DCUN1D2: variants seen among roughly 807,000 people sequenced by gnomAD.
The protein encoded by DCUN1D2 is DCN1-like protein 2.
A neutral mutation model predicts 30.9 loss-of-function variants in DCUN1D2; 29 were observed. The ratio of observed to expected loss-of-function variants is 0.94; its 90% CI spans 0.70 to 1.28. DCUN1D2 has a LOEUF of 1.28. DCUN1D2 is among the 50% of genes most tolerant of loss of function. The pLI is 0.00. For missense variants in DCUN1D2, 325 were observed against 316.9 expected (o/e 1.03, Z -0.19); for synonymous variants, 121 against 115.3 (o/e 1.05, Z -0.32).
At chr13:113,471,380 G>C (rs1160529576) in intron 4 of DCUN1D2, among the ~76,000 whole-genome samples, 1 of 152,056 alleles carries the variant, frequency 6.6e-6, no homozygotes, top group African/African-American at 2.4e-5. Flanking sequence ...CTCCACAGGG[G>C]ACCCAACTCC....
chr13:113,485,475 A>G (rs1170809816), intron 1 of DCUN1D2, among the ~76,000 whole-genome samples: 1 of 152,122 alleles, frequency 6.6e-6, no homozygotes, highest in East Asian at 1.9e-4. Flanking sequence ...AGTTAGGAAA[A>G]TCCGTTTTCA....
intron 2 of DCUN1D2, among the ~76,000 whole-genome samples, chr13:113,481,890 G>A (rs1221153342): frequency 1.4e-5 from 2 of 146,882 alleles, no homozygotes; most frequent in Non-Finnish European, 3.0e-5. Flanking sequence ...AGAAAAATTG[G>A]TAACAAAATG....
chr13:113,488,880 T>G lies in DCUN1D2; in HGVS notation c.3+1787A>C, dbSNP rs909972228. Among the ~76,000 whole-genome samples, 7 of 152,186 alleles carry G rather than the reference T, an allele frequency of 4.6e-5. No individual in the cohort carries two copies. Among genetic ancestry groups the G allele is most frequent in the African/African-American group, 1.4e-4 (6 of 41,428 alleles). On this transcript the variant is annotated intron_variant, in intron 1 of 6. Coordinates refer to ENST00000478244, the MANE Select transcript of DCUN1D2 (RefSeq NM_001014283.2). The surrounding 1 kb of genome is among the most constrained non-coding windows in gnomAD (Gnocchi z 4.3). ...GGTGGGGGGAAGGCATTTTCTAGGT[T>G]TCATTATTTCTGTTAAAATGTACAC...
intron 4 of DCUN1D2, among the ~76,000 whole-genome samples, chr13:113,466,051 A>T (rs944721608): frequency 2.0e-5 from 3 of 152,000 alleles, no homozygotes; most frequent in African/African-American, 7.3e-5. Context: ...AGACTCAGCT[A>T]ATTTTTTGTA....
chr13:113,457,948 G>T lies in DCUN1D2; in HGVS notation c.*81C>A. ...GTCAAGAATGACTTCTGGAATCAGC[G>T]ACAATGCACCCAGGAACTGACTGCA... On this transcript the variant is annotated 3_prime_UTR_variant, in exon 7 of 7. Coordinates refer to ENST00000478244, the MANE Select transcript of DCUN1D2 (RefSeq NM_001014283.2). 7.7e-7 allele frequency: 1 copy of T among 1,299,658 alleles called. No individual in the cohort carries two copies. The highest frequency in any genetic ancestry group is 1.1e-6 in the Non-Finnish European group (1 of 899,762). 80.5% of individuals were successfully genotyped at this position (1,299,658 alleles called of 1,614,324 possible). A position where few individuals can be genotyped will look rare whatever the true frequency, so the allele number is the denominator to read the frequency against.
intron 2 of DCUN1D2, 91 bp downstream of exon 2, chr13:113,483,749 A>G (rs1250797101): frequency 8.5e-6 from 11 of 1,298,634 alleles, no homozygotes; most frequent in Non-Finnish European, 1.2e-5. Flanking sequence ...CAGCCCGGAG[A>G]CCTGCCCCGG....
rs1204418904 is a variant in DCUN1D2 at position 113,490,614 on chromosome 13, G to A, written c.3+53C>T. 1 of 1,218,558 alleles carries A rather than the reference G, an allele frequency of 8.2e-7. No individual in the cohort carries two copies. The highest frequency in any genetic ancestry group is 3.4e-5 in the South Asian group (1 of 29,702). 75.5% of individuals were successfully genotyped at this position (1,218,558 alleles called of 1,614,324 possible). ...AGCGCGCCGCCTGCGCCGACCTTGG[G>A]GCCCGACCCCGACCCCGACCCCGAC... On this transcript the variant is annotated intron_variant, in intron 1 of 6. Transcript: ENST00000478244. The surrounding 1 kb of genome is among the most constrained non-coding windows in gnomAD (Gnocchi z 5.2).
chr13:113,462,900 G>A, intron 4 of DCUN1D2: 4 of 1,222,590 alleles, frequency 3.3e-6, no homozygotes, highest in Admixed American at 2.9e-5. Flanking sequence ...ACCTGGGGAG[G>A]AAAAAAAAAT....
At position 113,467,358 on chromosome 13, in the gene DCUN1D2, T is replaced by C. The variant is rs536824930; in HGVS notation, c.521-6222A>G. 5.7e-4 allele frequency among the ~76,000 whole-genome samples: 87 copies of C among 152,344 alleles called. 2 individuals are homozygous for C. Among genetic ancestry groups the C allele is most frequent in the Middle Eastern group, 6.8e-3 (2 of 294 alleles). ...GCATGTAATTGCTATAATGTGCATA[T>C]TGGAGGCAATTTTGAAACTGGTCTG... On this transcript the variant is annotated intron_variant, in intron 4 of 6. Coordinates refer to ENST00000478244, the MANE Select transcript of DCUN1D2 (RefSeq NM_001014283.2).
Position 113,458,275 on chromosome 13 carries a change from G to A in DCUN1D2, c.701-167C>T, listed in dbSNP as rs549134557. On this transcript the variant is annotated intron_variant, in intron 6 of 6. Transcript: ENST00000478244. Reference sequence around the variant, plus strand: ...CCAGCCCAAGTTACCCAGTTCTTTCGCCCTAGCACGGCCAGGTCGGGAGCC... The same window carrying A: ...CCAGCCCAAGTTACCCAGTTCTTTCACCCTAGCACGGCCAGGTCGGGAGCC... Among the ~76,000 whole-genome samples the A allele has an allele frequency of 3.9e-5, 6 of 152,280 alleles. No individual in the cohort carries two copies. The South Asian group carries it at 1.0e-3, about 26-fold the overall frequency.
At chr13:113,480,810 T>C in intron 2 of DCUN1D2, 67 bp from the exon 3 acceptor site, 1 of 1,540,900 alleles carries the variant, frequency 6.5e-7, no homozygotes, top group Non-Finnish European at 8.9e-7. Context: ...ATAGGAGGTT[T>C]GAATCCTAGC....
chr13:113,458,106 C>T lies in DCUN1D2; in HGVS notation c.703G>A (p.Ala235Thr). The change falls in exon 7 of 7, where the codon GCT (alanine) becomes ACT (threonine). Residue 235 changes from alanine (A) to threonine (T), a missense_variant and splice_region_variant. Transcript: ENST00000478244. The stretch of plus-strand genomic sequence containing the variant: ...AAATCATCTATAAGAACGGGCCAAG[C>T]TCCTAAAGGAAAGCAAGCAAACAGA... ...DDMSNYDEEGAWPVLIDDFVE... is the reference protein window; with the variant it reads ...DDMSNYDEEGTWPVLIDDFVE... The T allele has an allele frequency of 6.2e-7, 1 of 1,614,122 alleles. No individual in the cohort carries two copies. Among genetic ancestry groups the T allele is most frequent in the South Asian group, 1.1e-5 (1 of 91,090 alleles).
intron 4 of DCUN1D2, among the ~76,000 whole-genome samples, chr13:113,473,356 G>A (rs763391963): frequency 2.2e-4 from 34 of 152,224 alleles, no homozygotes; most frequent in Non-Finnish European, 4.4e-4. Flanking sequence ...CTGCTGCAGG[G>A]TTAGGAGTGA....
At chr13:113,483,790 C>G in intron 2 of DCUN1D2, 50 bp downstream of exon 2, 1 of 1,576,194 alleles carries the variant, frequency 6.3e-7, no homozygotes, top group Non-Finnish European at 8.7e-7. Flanking sequence ...AGCGCGCAGG[C>G]CGCTCGCGGA....
chr13:113,490,645 G>A lies in DCUN1D2; in HGVS notation c.3+22C>T. 5 of 1,240,988 alleles carry A rather than the reference G, an allele frequency of 4.0e-6. No individual in the cohort carries two copies. The highest frequency in any genetic ancestry group is 3.0e-6 in the Non-Finnish European group (3 of 992,706). 76.9% of individuals were successfully genotyped at this position (1,240,988 alleles called of 1,614,324 possible). On this transcript the variant is annotated intron_variant, in intron 1 of 6. Transcript: ENST00000478244. The surrounding 1 kb of genome is among the most constrained non-coding windows in gnomAD (Gnocchi z 5.2). ...ACCCCGACCCCGACCCCGACGGGCA[G>A]AGGCGACGCCGGGCCACCTACCATC...
rs553592852 is a variant in DCUN1D2 at position 113,457,768 on chromosome 13, A to T, written c.*261T>A. On this transcript the variant is annotated 3_prime_UTR_variant, in exon 7 of 7. Coordinates refer to ENST00000478244, the MANE Select transcript of DCUN1D2 (RefSeq NM_001014283.2). ...TACCTTAGTATTTTGTAAATATTAAAAAATCATGCAGAAATTTCCTAACGC... is the reference window on the plus strand; with the variant it reads ...TACCTTAGTATTTTGTAAATATTAATAAATCATGCAGAAATTTCCTAACGC... 1 of 421,936 alleles carries T rather than the reference A, an allele frequency of 2.4e-6. No homozygotes were observed. The highest frequency in any genetic ancestry group is 4.3e-6 in the Non-Finnish European group (1 of 230,170). The allele number at this position is 421,936 out of a possible 1,614,324, so 26.1% of individuals were successfully genotyped here.
chr13:113,490,243 C>G lies in DCUN1D2; in HGVS notation c.3+424G>C, dbSNP rs997494146. On this transcript the variant is annotated intron_variant, in intron 1 of 6. Coordinates refer to ENST00000478244, the MANE Select transcript of DCUN1D2 (RefSeq NM_001014283.2). This position sits in a 1 kb window ranked among gnomAD's most constrained non-coding sequence, Gnocchi z 5.2. The stretch of plus-strand genomic sequence containing the variant: ...CGCGAATCTGAGCTTCTCGCGGATT[C>G]CTTCCTTGCGCTGTTTTGGTCAACA... 1.3e-5 allele frequency among the ~76,000 whole-genome samples: 2 copies of G among 152,184 alleles called. No individual in the cohort carries two copies. Among genetic ancestry groups the G allele is most frequent in the African/African-American group, 2.4e-5 (1 of 41,462 alleles).
chr13:113,458,144 G>T, intron 6 of DCUN1D2, 36 bp from the exon 7 acceptor site: 1 of 1,570,600 alleles, frequency 6.4e-7, no homozygotes, highest in East Asian at 2.2e-5. Context: ...ACCCGTTAGA[G>T]CACCGTTTTT....
At chr13:113,474,649 A>C (rs940636171) in intron 3 of DCUN1D2, among the ~76,000 whole-genome samples, 6 of 152,192 alleles carry the variant, frequency 3.9e-5, no homozygotes, top group Non-Finnish European at 7.3e-5. Context: ...GGCGTGGTCT[A>C]ACTTGGTAGC....
Sources: gnomAD v4.1 joint callset for allele counts (sites outside exome capture counted in the v4.1 genomes callset) on GRCh38, gnomAD v4.1.1 for gene constraint, Gnocchi (gnomAD v3.1) non-coding constraint, MANE v1.5 for transcripts, NCBI Gene and HGNC (gene_info 2026-07-23, HGNC 2026-07-21) for gene names.